Variants in KLHL22 observed in about 807,000 individuals in gnomAD.
KLHL22 encodes kelch like family member 22.
Under a neutral mutation model 60.7 loss-of-function variants are expected in KLHL22, and 18 were observed. The ratio of observed to expected loss-of-function variants is 0.30; its 90% CI spans 0.20 to 0.44. KLHL22 has a LOEUF of 0.44. Ranked by LOEUF, KLHL22 falls within the 20% of genes least tolerant of loss-of-function variation. The pLI is 1.00. For synonymous variants in KLHL22, 355 were observed against 354.5 expected, an observed-to-expected ratio of 1.00 and a Z score of -0.01; for missense variants, 596 against 852.3, an observed-to-expected ratio of 0.70 and a Z score of 3.74.
chr22:20,450,798 A>T, intron 5 of KLHL22: 1 of 1,444,084 alleles, frequency 6.9e-7, no homozygotes, highest in Non-Finnish European at 9.8e-7. Flanking sequence ...TGCCCCTGCT[A>T]ACCCTCAGGT....
intron 2 of KLHL22, chr22:20,488,701 G>T: frequency 2.0e-6 from 1 of 502,360 alleles, no homozygotes; most frequent in Non-Finnish European, 3.6e-6. Flanking sequence ...GGAGAGAAAG[G>T]AGGAAAGAAA....
In KLHL22 at chr22:20,481,617, C is replaced by T. The variant is rs79244555; in HGVS notation, c.227+7368G>A. ...AAAAAATTTTTTTTTCTTTTGTAAA[C>T]GGAGTCTTGCTCTGTCGCGCAAGCT... On this transcript the variant is annotated intron_variant, in intron 2 of 6. Coordinates refer to ENST00000328879, the MANE Select transcript of KLHL22 (RefSeq NM_032775.4). Among the ~76,000 whole-genome samples the T allele has an allele frequency of 1.4e-3, 220 of 152,042 alleles. 2 individuals are homozygous for T. The highest frequency in any genetic ancestry group is 1.2e-3 in the Admixed American group (19 of 15,248).
chr22:20,443,626 C>T (rs1240445254), intron 6 of KLHL22, among the ~76,000 whole-genome samples: 1 of 152,154 alleles, frequency 6.6e-6, no homozygotes, highest in African/African-American at 2.4e-5. Context: ...GTAACCCCAG[C>T]TACTCGGGAG....
In KLHL22 at chr22:20,458,443, C is replaced by CTT. The variant is rs1395647107; in HGVS notation, c.1113-444_1113-443insAA. ...CTACAGGTGCGCACCACAACGCCCG[C>CTT]TATTTTTTTTTTTTTTTTTTTTTTT... On this transcript the variant is annotated intron_variant, in intron 4 of 6. Coordinates refer to ENST00000328879, the MANE Select transcript of KLHL22 (RefSeq NM_032775.4). Among the ~76,000 whole-genome samples the CTT allele has an allele frequency of 1.8e-4, 18 of 102,796 alleles. 1 individual carries two copies. In the East Asian group the frequency reaches 3.9e-3, roughly 22 times the overall value. 67.4% of individuals were successfully genotyped at this position (102,796 alleles called of 152,430 possible).
chr22:20,442,444 A>G lies in KLHL22; in HGVS notation c.1540-6T>C, dbSNP rs773731009. The G allele has an allele frequency of 1.3e-6, 2 of 1,580,946 alleles. No individual in the cohort carries two copies. The highest frequency in any genetic ancestry group is 1.7e-6 in the Non-Finnish European group (2 of 1,160,958). On this transcript the variant is annotated splice_polypyrimidine_tract_variant and splice_region_variant and intron_variant, in intron 6 of 6. Transcript: ENST00000328879. ...GTGCAGCTGTAGCAGGCCACCTGCA[A>G]AGCCAAGGCTAGAATAAAGCCCAGC... is the stretch of plus-strand genomic sequence containing the variant.
chr22:20,467,527 C>G (rs941313271), intron 3 of KLHL22, among the ~76,000 whole-genome samples: 3 of 152,146 alleles, frequency 2.0e-5, no homozygotes, highest in African/African-American at 7.2e-5. Context: ...GTGGGAACCC[C>G]CTTGCTACCA....
At chr22:20,469,040 G>A (rs1026111559) in intron 3 of KLHL22, among the ~76,000 whole-genome samples, 15 of 152,040 alleles carry the variant, frequency 9.9e-5, no homozygotes, top group African/African-American at 3.6e-4. Flanking sequence ...ACCCAGGGCT[G>A]TCGGGAGCAC....
rs191242002 is a variant in KLHL22, at chr22:20,444,035, A to G, written c.1540-1597T>C. Among the ~76,000 whole-genome samples the G allele has an allele frequency of 5.3e-4, 79 of 150,126 alleles. 4 individuals are homozygous for G. The East Asian group carries it at 0.014, about 26-fold the overall frequency. On this transcript the variant is annotated intron_variant, in intron 6 of 6. Transcript: ENST00000328879. ...CAGTGCCCCCCAGCCTGGGTGACAA[A>G]GCAAGACTCCATCTCATAAAAAAAA...
At chr22:20,479,800 T>A (rs2053470154) in intron 2 of KLHL22, among the ~76,000 whole-genome samples, 1 of 152,238 alleles carries the variant, frequency 6.6e-6, no homozygotes, top group South Asian at 2.1e-4. Context: ...GTGGTGCAAC[T>A]GCTATGTTCC....
intron 2 of KLHL22, chr22:20,484,159 A>T: frequency 1.7e-6 from 1 of 597,486 alleles, no homozygotes; most frequent in Non-Finnish European, 3.2e-6. Context: ...TGATGACCTA[A>T]TTTTTGTATT....
chr22:20,494,545 T>C (rs1389205324), intron 1 of KLHL22, among the ~76,000 whole-genome samples: 2 of 152,142 alleles, frequency 1.3e-5, no homozygotes, highest in African/African-American at 4.8e-5. Flanking sequence ...CACACCCAGC[T>C]AATTTTTGTA....
chr22:20,470,782 G>GGATA (rs199965170), intron 3 of KLHL22, among the ~76,000 whole-genome samples: 8,983 of 133,972 alleles, frequency 0.067, 704 homozygotes, highest in East Asian at 0.45. Context: ...ATGGATGGAT[G>GGATA]GATAGATGGA....
At position 20,489,149 on chromosome 22, in the gene KLHL22, G is replaced by A. The variant is rs2053639812; in HGVS notation, c.63C>T (p.His21=). The change falls in exon 2 of 7, where the codon CAC becomes CAT. Residue 21 remains histidine, a synonymous_variant. Transcript: ENST00000328879. The part of the protein sequence containing the change: ...CKLPAQPSHP[H]CVNNTYRSAQ... ...CGCTGCGGTAGGTGTTGTTCACGCA[G>A]TGTGGGTGTGAGGGCTGTGCAGGCA... The A allele has an allele frequency of 6.2e-7, 1 of 1,614,186 alleles. No homozygotes were observed. Among genetic ancestry groups the A allele is most frequent in the African/African-American group, 1.3e-5 (1 of 75,042 alleles).
chr22:20,493,182 G>A, intron 1 of KLHL22: 1 of 471,200 alleles, frequency 2.1e-6, no homozygotes, highest in Non-Finnish European at 4.4e-6. Flanking sequence ...TGCTCTCTTG[G>A]GAAGGGATAA....
rs1446257102 is a variant in KLHL22 at position 20,489,249 on chromosome 22, C to G, written c.-33-5G>C. 13 of 1,609,400 alleles carry G rather than the reference C, an allele frequency of 8.1e-6. No individual in the cohort carries two copies. The Admixed American group carries it at 2.0e-4, about 25-fold the overall frequency. On this transcript the variant is annotated splice_polypyrimidine_tract_variant and splice_region_variant and intron_variant, in intron 1 of 6. Coordinates refer to ENST00000328879, the MANE Select transcript of KLHL22 (RefSeq NM_032775.4). The stretch of plus-strand genomic sequence containing the variant: ...AAGATCCCTTACAACTGTGGCCTGA[C>G]AGTTGGCAAAACAGGGGACAGGGGT...
At chr22:20,482,886 T>A in intron 2 of KLHL22, 1 of 1,200,140 alleles carries the variant, frequency 8.3e-7, no homozygotes, top group Non-Finnish European at 1.2e-6. Context: ...CAGGTGGTGG[T>A]CTTTTGGATG....
intron 3 of KLHL22, among the ~76,000 whole-genome samples, chr22:20,470,198 T>C (rs942675603): frequency 2.8e-4 from 43 of 150,962 alleles, no homozygotes; most frequent in Admixed American, 2.6e-3. Flanking sequence ...ATATATATAA[T>C]ATCAGCTAGG....
Position 20,465,127 on chromosome 22 carries a change from G to A in KLHL22, c.843C>T (p.Ser281=). The change falls in exon 4 of 7, where the codon AGC becomes AGT. Residue 281 remains serine (S), a synonymous_variant. Coordinates refer to ENST00000328879, the MANE Select transcript of KLHL22 (RefSeq NM_032775.4). The surrounding 1 kb of genome is among the most constrained non-coding windows in gnomAD (Gnocchi z 4.9). ...ASALMYHRNE[S]LQPSLQSPQT... ...GCGGGCTCTGCAGGCTGGGCTGTAG[G>A]CTCTCGTTCCGGTGGTACATGAGGG... is the stretch of plus-strand genomic sequence containing the variant. 1 of 1,614,014 alleles carries A rather than the reference G, an allele frequency of 6.2e-7. No individual in the cohort carries two copies. Among genetic ancestry groups the A allele is most frequent in the Non-Finnish European group, 8.5e-7 (1 of 1,180,040 alleles).
intron 2 of KLHL22, chr22:20,488,622 T>A: frequency 8.0e-6 from 2 of 250,056 alleles, no homozygotes; most frequent in Non-Finnish European, 1.5e-5. Flanking sequence ...GGATGAGAGG[T>A]GTGAGCCAGA....
Sources: gnomAD v4.1 joint callset for allele counts (sites outside exome capture counted in the v4.1 genomes callset) on GRCh38, gnomAD v4.1.1 for gene constraint, Gnocchi (gnomAD v3.1) non-coding constraint, MANE v1.5 for transcripts, NCBI Gene and HGNC (gene_info 2026-07-23, HGNC 2026-07-21) for gene names.